GNAQ: variants seen among roughly 807,000 people sequenced by gnomAD.
GNAQ encodes guanine nucleotide-binding protein G(q) subunit alpha.
A neutral mutation model predicts 43.9 loss-of-function variants in GNAQ; 8 were observed. The observed-to-expected ratio is 0.18, with a 90% CI of 0.11 to 0.33. The LOEUF (loss-of-function observed/expected upper bound fraction) is 0.33, where lower values mean the gene tolerates loss of function less well. Among genes scored for constraint, GNAQ ranks in the 10% least tolerant of loss-of-function variants. GNAQ has a pLI of 1.00. For missense variants in GNAQ, 158 were observed against 450.8 expected (o/e 0.35, Z 5.88); for synonymous variants, 155 against 170.7 (o/e 0.91, Z 0.71).
chr9:77,836,230 G>GCC (rs200391317), intron 2 of GNAQ, among the ~76,000 whole-genome samples: 1 of 97,360 alleles, frequency 1.0e-5, no homozygotes, highest in African/African-American at 2.7e-5. Flanking sequence ...ATGATTAAAA[G>GCC]CCCCCCCCGG....
intron 5 of GNAQ, among the ~76,000 whole-genome samples, chr9:77,761,828 C>T (rs1336353951): frequency 4.8e-5 from 3 of 62,142 alleles, no homozygotes; most frequent in Non-Finnish European, 7.9e-5. Context: ...CCCGGCCAGC[C>T]GCCCCGTCCG....
intron 1 of GNAQ, among the ~76,000 whole-genome samples, chr9:77,934,862 C>T (rs1460724336): frequency 6.6e-6 from 1 of 152,166 alleles, no homozygotes; most frequent in African/African-American, 2.4e-5. Context: ...TGCGGTGGCT[C>T]ACGCCTGTAA....
At chr9:77,723,423 C>CTGAT (rs1231778622) in intron 6 of GNAQ, among the ~76,000 whole-genome samples, 1 of 152,150 alleles carries the variant, frequency 6.6e-6, no homozygotes, top group African/African-American at 2.4e-5. Flanking sequence ...AGCAGGGGCT[C>CTGAT]TGATAGACAC....
Position 77,739,807 on chromosome 9 carries a change from T to C in GNAQ, c.736-11140A>G, listed in dbSNP as rs528964716. 5.1e-3 allele frequency among the ~76,000 whole-genome samples: 782 copies of C among 152,328 alleles called. 4 individuals are homozygous for C. Among genetic ancestry groups the C allele is most frequent in the Non-Finnish European group, 8.2e-3 (560 of 68,032 alleles). On this transcript the variant is annotated intron_variant, in intron 5 of 6. Coordinates refer to ENST00000286548, the MANE Select transcript of GNAQ (RefSeq NM_002072.5). ...GATCTTACAGTTGATGAACAGTGAC[T>C]TGGCCAAATTACAGGAGATTTTGGA...
At chr9:77,838,961 A>G (rs950053952) in intron 2 of GNAQ, among the ~76,000 whole-genome samples, 2 of 152,068 alleles carry the variant, frequency 1.3e-5, no homozygotes, top group Admixed American at 6.5e-5. Flanking sequence ...CCAAAACTTT[A>G]GTTTCTGAGA....
chr9:77,754,311 T>C (rs181702137), intron 5 of GNAQ, among the ~76,000 whole-genome samples: 3 of 152,344 alleles, frequency 2.0e-5, no homozygotes, highest in East Asian at 3.9e-4. Context: ...CAGGGGCTTC[T>C]TAAGAACAGG....
At chr9:77,970,733 A>C (rs1397929404) in intron 1 of GNAQ, among the ~76,000 whole-genome samples, 1 of 152,218 alleles carries the variant, frequency 6.6e-6, no homozygotes, top group Non-Finnish European at 1.5e-5. Context: ...AAAGAACCAT[A>C]GACTCAAGAG....
chr9:77,969,159 T>G (rs1254468352), intron 1 of GNAQ, among the ~76,000 whole-genome samples: 1 of 152,244 alleles, frequency 6.6e-6, no homozygotes, highest in African/African-American at 2.4e-5. Context: ...TCCTTCATAA[T>G]GCAGCCAAGC....
At chr9:77,987,136 T>C (rs10870002) in intron 1 of GNAQ, among the ~76,000 whole-genome samples, 47,204 of 151,932 alleles carry the variant, frequency 0.31, 7,671 homozygotes, top group South Asian at 0.44. Flanking sequence ...TGTCGTCATG[T>C]TGTTGGGAAA....
chr9:77,871,551 A>T (rs1428278191), intron 2 of GNAQ, among the ~76,000 whole-genome samples: 1 of 152,126 alleles, frequency 6.6e-6, no homozygotes, highest in African/African-American at 2.4e-5. Flanking sequence ...GATCCTCAAC[A>T]GTGGTGGGCT....
At chr9:77,748,324 A>C (rs1411178189) in intron 5 of GNAQ, among the ~76,000 whole-genome samples, 1 of 152,228 alleles carries the variant, frequency 6.6e-6, no homozygotes, top group East Asian at 1.9e-4. Context: ...ATGAAAGTAG[A>C]GTAAATGACT....
At chr9:77,761,038 C>T (rs1312096492) in intron 5 of GNAQ, among the ~76,000 whole-genome samples, 3 of 151,448 alleles carry the variant, frequency 2.0e-5, no homozygotes, top group African/African-American at 7.3e-5. Flanking sequence ...AAGTGAGGAG[C>T]CCCTCCGCCC....
chr9:77,765,046 T>A (rs903134685), intron 5 of GNAQ, among the ~76,000 whole-genome samples: 40 of 152,166 alleles, frequency 2.6e-4, no homozygotes, highest in Non-Finnish European at 5.0e-4. Flanking sequence ...GTCTTCGGTT[T>A]TATGCAAGTA....
At chr9:77,950,219 A>G (rs1391879946) in intron 1 of GNAQ, among the ~76,000 whole-genome samples, 4 of 152,224 alleles carry the variant, frequency 2.6e-5, no homozygotes, top group Non-Finnish European at 4.4e-5. Flanking sequence ...ACTCATCATG[A>G]AATTCTCAAT....
chr9:77,776,586 C>A (rs927557678), intron 5 of GNAQ, among the ~76,000 whole-genome samples: 7 of 152,162 alleles, frequency 4.6e-5, no homozygotes, highest in Non-Finnish European at 1.0e-4. Context: ...CCCCAAAACA[C>A]ATGAAGCAAA....
intron 1 of GNAQ, among the ~76,000 whole-genome samples, chr9:78,009,500 T>C (rs1443915149): frequency 6.6e-6 from 1 of 152,244 alleles, no homozygotes; most frequent in African/African-American, 2.4e-5. Context: ...TATTATTGGC[T>C]TCATGCCCAT....
At chr9:77,768,665 T>C (rs1224738233) in intron 5 of GNAQ, among the ~76,000 whole-genome samples, 2 of 152,190 alleles carry the variant, frequency 1.3e-5, no homozygotes, top group Non-Finnish European at 2.9e-5. Flanking sequence ...AAATCTGTCT[T>C]GGGACTTTTG....
chr9:78,023,181 T>C (rs1258359609), intron 1 of GNAQ, among the ~76,000 whole-genome samples: 4 of 152,224 alleles, frequency 2.6e-5, no homozygotes, highest in South Asian at 2.1e-4. Context: ...GGATTTTACA[T>C]TGTGTTCAGT....
At chr9:77,951,254 T>C (rs2118382292) in intron 1 of GNAQ, among the ~76,000 whole-genome samples, 1 of 152,082 alleles carries the variant, frequency 6.6e-6, no homozygotes, top group South Asian at 2.1e-4. Context: ...CACGCCACCA[T>C]GCCCGGCTAA....
Sources: allele counts gnomAD v4.1 joint callset (sites outside exome capture counted in the v4.1 genomes callset), GRCh38; gene constraint gnomAD v4.1.1; transcripts MANE v1.5; gene names NCBI Gene and HGNC (gene_info 2026-07-23, HGNC 2026-07-21).